PSMB4: variants seen among roughly 807,000 people sequenced by gnomAD.
The protein encoded by PSMB4 is proteasome 20S subunit beta 4, also known as proteasome subunit beta type-4.
A neutral mutation model predicts 35.2 loss-of-function variants in PSMB4; 16 were observed. That is an observed-to-expected ratio of 0.45 (90% CI 0.31 to 0.69). PSMB4 has a LOEUF of 0.69. Ranked by LOEUF, PSMB4 falls within the 30% of genes least tolerant of loss-of-function variation. PSMB4 has a pLI of 0.06. For synonymous variants in PSMB4, 144 were observed against 134.1 expected (o/e 1.07, Z -0.51); for missense variants, 333 against 351.8 (o/e 0.95, Z 0.43).
At chr1:151,400,284 G>T (rs1227922526) in intron 2 of PSMB4, 97 bp downstream of exon 2, 5 of 1,476,120 alleles carry the variant, frequency 3.4e-6, no homozygotes, top group Non-Finnish European at 4.7e-6. Flanking sequence ...TTGTTGCAGC[G>T]GGGGACTGGA....
At chr1:151,399,823 C>T in intron 1 of PSMB4, 96 bp downstream of exon 1, 4 of 1,598,258 alleles carry the variant, frequency 2.5e-6, no homozygotes, top group Admixed American at 1.7e-5. Context: ...AGGCGGGGAC[C>T]CCGGGGGCGC....
In PSMB4 at chr1:151,399,665, C is replaced by T; in HGVS notation, c.78C>T (p.Ser26=). The T allele has an allele frequency of 1.2e-6, 2 of 1,614,152 alleles. No individual in the cohort carries two copies. The highest frequency in any genetic ancestry group is 1.7e-6 in the Non-Finnish European group (2 of 1,180,034). The change falls in exon 1 of 7, where the codon TCC becomes TCT. Residue 26 remains serine, a synonymous_variant. Coordinates refer to ENST00000290541, the MANE Select transcript of PSMB4 (RefSeq NM_002796.3). ...CAGGACAGTTTTACCGCATTCCGTC[C>T]ACTCCCGATTCCTTCATGGATCCGG... The part of the protein sequence containing the change: ...PAPGQFYRIP[S]TPDSFMDPAS...
Position 151,401,284 on chromosome 1 carries a change from A to G in PSMB4, c.622A>G (p.Thr208Ala). 1 of 1,614,102 alleles carries G rather than the reference A, an allele frequency of 6.2e-7. No individual in the cohort carries two copies. The change falls in exon 5 of 7, where the codon ACC becomes GCC. Residue 208 changes from threonine (T) to alanine (A), a missense_variant. By Grantham distance (58) the Thr-to-Ala change is moderately conservative (BLOSUM62 0). Coordinates refer to ENST00000290541, the MANE Select transcript of PSMB4 (RefSeq NM_002796.3). ...GGAGAAGCAGCCAGTGCTAAGCCAG[A>G]CCGAGGCCCGCGACTTAGTAGAACG... ...VLEKQPVLSQ[T>A]EARDLVERCM...
intron 5 of PSMB4, 65 bp from the exon 6 acceptor site, chr1:151,401,474 ACCT>A (rs1652831676): frequency 6.6e-7 from 1 of 1,514,480 alleles, no homozygotes; most frequent in East Asian, 2.3e-5. Context: ...ATTGGGGAAG[ACCT>A]CCACCTGACC....
chr1:151,400,433 CCTTTT>C lies in PSMB4; in HGVS notation c.348-8_348-4del. The C allele has an allele frequency of 6.2e-7, 1 of 1,611,608 alleles. No individual in the cohort carries two copies. The highest frequency in any genetic ancestry group is 8.5e-7 in the Non-Finnish European group (1 of 1,179,144). On this transcript the variant is annotated splice_region_variant and splice_polypyrimidine_tract_variant and intron_variant, in intron 2 of 6. Coordinates refer to ENST00000290541, the MANE Select transcript of PSMB4 (RefSeq NM_002796.3). ...TCTCTCCCTTTTCTCACAACCAATT[CCTTTT>C]AAGGATTGATGAGGAGCTTCTGGGA...
chr1:151,400,841 C>G lies in PSMB4; in HGVS notation c.572C>G (p.Ala191Gly), dbSNP rs770110723. Residue 191 changes from alanine (A) to glycine (G), a missense_variant, in exon 4 of 7, where the codon GCT becomes GGT. Physicochemically the swap from Ala to Gly is moderately conservative, Grantham distance 60 (BLOSUM62 0). Transcript: ENST00000290541. ...SLATGYGAYL[A>G]QPLLREVLEK... The stretch of plus-strand genomic sequence containing the variant: ...GCCACTGGTTATGGTGCATACTTGG[C>G]TCAGGTAAGTAGTAAGTCTAGAGGT... 5.0e-6 allele frequency: 8 copies of G among 1,613,606 alleles called. No homozygotes were observed. Among genetic ancestry groups the G allele is most frequent in the Non-Finnish European group, 6.8e-6 (8 of 1,179,554 alleles).
chr1:151,401,934 A>G lies in PSMB4; in HGVS notation c.*105A>G. The G allele has an allele frequency of 7.9e-7, 1 of 1,260,446 alleles. No individual in the cohort carries two copies. The highest frequency in any genetic ancestry group is 1.1e-6 in the Non-Finnish European group (1 of 872,324). The allele number at this position is 1,260,446 out of a possible 1,614,324, so 78.1% of individuals were successfully genotyped here. ...TTGTAAAGTAAATAAATTCTTCAAA[A>G]TGCTTGCTGAGTGGTTTTTGTCTGA... On this transcript the variant is annotated 3_prime_UTR_variant, in exon 7 of 7. Coordinates refer to ENST00000290541, the MANE Select transcript of PSMB4 (RefSeq NM_002796.3).
intron 4 of PSMB4, 197 bp downstream of exon 4, chr1:151,401,042 T>C (rs1652805516): frequency 2.6e-6 from 2 of 759,936 alleles, no homozygotes; most frequent in Non-Finnish European, 4.5e-6. Flanking sequence ...TGGGAGTCAG[T>C]AGACATGCAA....
chr1:151,401,045 A>G, intron 4 of PSMB4, 194 bp from the exon 5 acceptor site: 1 of 756,804 alleles, frequency 1.3e-6, no homozygotes, highest in East Asian at 2.4e-5. Flanking sequence ...GAGTCAGTAG[A>G]CATGCAAAGA....
intron 4 of PSMB4, 96 bp from the exon 5 acceptor site, chr1:151,401,143 A>G: frequency 2.8e-6 from 3 of 1,063,518 alleles, no homozygotes; most frequent in Non-Finnish European, 4.3e-6. Flanking sequence ...GTAGAATGTC[A>G]TCTTTCACTC....
intron 3 of PSMB4, 37 bp downstream of exon 3, chr1:151,400,625 C>T (rs777075470): frequency 1.2e-6 from 2 of 1,613,880 alleles, no homozygotes; most frequent in Non-Finnish European, 1.7e-6. Context: ...TCCTTTACCA[C>T]CCAACCTAGT....
intron 2 of PSMB4, 118 bp downstream of exon 2, chr1:151,400,305 G>A: frequency 6.9e-7 from 1 of 1,449,318 alleles, no homozygotes. Flanking sequence ...AGAGTTGTTG[G>A]AGGTGGGCGA....
rs200443103 is a variant in PSMB4 at position 151,401,219 on chromosome 1, T to A, written c.577-20T>A. The A allele has an allele frequency of 1.9e-6, 3 of 1,602,088 alleles. No individual in the cohort carries two copies. Among genetic ancestry groups the A allele is most frequent in the Non-Finnish European group, 2.6e-6 (3 of 1,169,172 alleles). On this transcript the variant is annotated intron_variant, in intron 4 of 6. Transcript: ENST00000290541. ...TATTCAGCCCAATATCCCCCCATGGTTTTCCCCCAATCTCCCTAGCCTCTG... is the reference window on the plus strand; with the variant it reads ...TATTCAGCCCAATATCCCCCCATGGATTTCCCCCAATCTCCCTAGCCTCTG...
chr1:151,400,996 G>T, intron 4 of PSMB4, 151 bp downstream of exon 4: 2 of 843,934 alleles, frequency 2.4e-6, no homozygotes, highest in Non-Finnish European at 2.0e-6. Context: ...GGGGCTGTAG[G>T]TGTTGACACT....
At position 151,401,351 on chromosome 1, in the gene PSMB4, A is replaced by G. The variant is rs762946987; in HGVS notation, c.689A>G (p.Asn230Ser). Residue 230 changes from asparagine (N) to serine (S), a missense_variant, in exon 5 of 7, where the codon AAC becomes AGC. By Grantham distance (46) the Asn-to-Ser change is conservative. Transcript: ENST00000290541. Reference sequence around the variant, plus strand: ...TACTACCGAGATGCCCGTTCTTACAACCGGGTGAGGGATGTGCTGGGAACC... The same window carrying G: ...TACTACCGAGATGCCCGTTCTTACAGCCGGGTGAGGGATGTGCTGGGAACC... ...VLYYRDARSY[N>S]RFQIATVTEK... The G allele has an allele frequency of 2.1e-5, 34 of 1,613,874 alleles. No individual in the cohort carries two copies. The highest frequency in any genetic ancestry group is 2.7e-5 in the Non-Finnish European group (32 of 1,179,954).
At chr1:151,401,450 ACTC>A in intron 5 of PSMB4, 89 bp from the exon 6 acceptor site, 12 of 1,524,150 alleles carry the variant, frequency 7.9e-6, no homozygotes, top group Non-Finnish European at 1.0e-5. Flanking sequence ...TACTTGTGTG[ACTC>A]CTATTTTCAC....
intron 2 of PSMB4, 83 bp downstream of exon 2, chr1:151,400,270 G>A: frequency 6.7e-7 from 1 of 1,503,594 alleles, no homozygotes; most frequent in Non-Finnish European, 9.2e-7. Context: ...TGGGATGGGG[G>A]GACTTGTTGC....
intron 2 of PSMB4, 86 bp downstream of exon 2, chr1:151,400,273 C>G: frequency 6.7e-7 from 1 of 1,496,480 alleles, no homozygotes; most frequent in Non-Finnish European, 9.3e-7. Flanking sequence ...GATGGGGGGA[C>G]TTGTTGCAGC....
chr1:151,401,512 G>C, intron 5 of PSMB4, 30 bp from the exon 6 acceptor site: 1 of 1,572,642 alleles, frequency 6.4e-7, no homozygotes, highest in South Asian at 1.1e-5. Flanking sequence ...TTAAGGCGTG[G>C]GCATTATTGA....
Sources: gnomAD v4.1 joint callset for allele counts on GRCh38, gnomAD v4.1.1 for gene constraint, MANE v1.5 for transcripts, NCBI Gene and HGNC (gene_info 2026-07-23, HGNC 2026-07-21) for gene names.